XKR6: variants seen among roughly 807,000 people sequenced by gnomAD.
The protein encoded by XKR6 is XK-related protein 6.
XKR6 carries 22 observed loss-of-function variants against 56.7 expected under a neutral mutation model. That is an observed-to-expected ratio of 0.39 (90% confidence interval 0.28 to 0.55). The LOEUF is 0.55. Ranked by LOEUF, XKR6 falls within the 20% of genes least tolerant of loss-of-function variation. XKR6 has a pLI of 0.66. For missense variants in XKR6, 852 were observed against 889.0 expected, an observed-to-expected ratio of 0.96 and a Z score of 0.53; for synonymous variants, 524 against 387.8, an observed-to-expected ratio of 1.35 and a Z score of -4.13.
intron 1 of XKR6, chr8:11,111,744 G>C (rs572273741): frequency 6.6e-6 from 1 of 152,080 alleles, no homozygotes; most frequent in South Asian, 2.1e-4. Context: ...TCTGTTATTA[G>C]ATATACTTTA....
chr8:11,160,095 G>A (rs6999875), intron 1 of XKR6, among the ~76,000 whole-genome samples: 13,930 of 152,058 alleles, frequency 0.092, 721 homozygotes, highest in Middle Eastern at 0.12. Context: ...GTTAATCATC[G>A]TGAGGAAAAA....
rs946457145 is a variant in XKR6 at position 11,052,139 on chromosome 8, G to A, written c.765-127309C>T. 1.5e-4 allele frequency among the ~76,000 whole-genome samples: 23 copies of A among 152,032 alleles called. No individual in the cohort carries two copies. The South Asian group carries it at 4.4e-3, about 29-fold the overall frequency. The stretch of plus-strand genomic sequence containing the variant: ...CTCCAACCAAACTGGCTTCCCTGCT[G>A]CTCCTTCCACTCTCCAAGCAGGTTC... On this transcript the variant is annotated intron_variant, in intron 1 of 2. Coordinates refer to ENST00000416569, the MANE Select transcript of XKR6 (RefSeq NM_173683.4).
chr8:11,111,350 A>T (rs988532683), intron 1 of XKR6, among the ~76,000 whole-genome samples: 6 of 152,152 alleles, frequency 3.9e-5, no homozygotes, highest in African/African-American at 1.4e-4. Context: ...CTTCTGCCCT[A>T]CATAGTAACG....
intron 1 of XKR6, among the ~76,000 whole-genome samples, chr8:11,157,818 A>C (rs891668553): frequency 6.6e-6 from 1 of 152,068 alleles, no homozygotes; most frequent in Non-Finnish European, 1.5e-5. Context: ...CCTGGCCAAA[A>C]TGTTTATTTC....
At chr8:10,926,337 GGGT>G (rs1800883599) in intron 1 of XKR6, among the ~76,000 whole-genome samples, 1 of 152,198 alleles carries the variant, frequency 6.6e-6, no homozygotes, top group Non-Finnish European at 1.5e-5. Context: ...TAAGCCACAA[GGGT>G]GACCTCAAAC....
intron 1 of XKR6, among the ~76,000 whole-genome samples, chr8:11,069,370 C>T (rs1388884959): frequency 1.3e-5 from 2 of 152,144 alleles, no homozygotes; most frequent in Non-Finnish European, 2.9e-5. Flanking sequence ...GATGCCAGCT[C>T]TCCCGGTCTC....
At chr8:11,060,515 C>T (rs965230251) in intron 1 of XKR6, among the ~76,000 whole-genome samples, 1 of 152,232 alleles carries the variant, frequency 6.6e-6, no homozygotes, top group Non-Finnish European at 1.5e-5. Context: ...ACCTGATCCT[C>T]GGATGCCCAG....
intron 1 of XKR6, among the ~76,000 whole-genome samples, chr8:11,029,731 C>T (rs972077179): frequency 1.1e-4 from 16 of 152,104 alleles, no homozygotes; most frequent in African/African-American, 3.4e-4. Context: ...CCCCCATTTC[C>T]TCACGTCAGT....
intron 1 of XKR6, among the ~76,000 whole-genome samples, chr8:10,945,125 C>G (rs1801496318): frequency 6.6e-6 from 1 of 152,190 alleles, no homozygotes; most frequent in Non-Finnish European, 1.5e-5. Flanking sequence ...CTCATTTCCC[C>G]ACCAGCAAGT....
At chr8:11,188,252 G>A (rs965298330) in intron 1 of XKR6, among the ~76,000 whole-genome samples, 1 of 152,126 alleles carries the variant, frequency 6.6e-6, no homozygotes, top group East Asian at 1.9e-4. Context: ...ATAAAGGCCT[G>A]CTTGGGTACA....
chr8:10,899,869 A>T (rs1198215215), intron 2 of XKR6, among the ~76,000 whole-genome samples: 1 of 152,188 alleles, frequency 6.6e-6, no homozygotes, highest in Non-Finnish European at 1.5e-5. Flanking sequence ...AACTCTGACT[A>T]CTTGATATTT....
At chr8:11,193,749 C>G (rs929114415) in intron 1 of XKR6, among the ~76,000 whole-genome samples, 2 of 140,220 alleles carry the variant, frequency 1.4e-5, no homozygotes, top group South Asian at 5.3e-4. Context: ...CCCCCCCCCC[C>G]CCACAAAAGA....
In XKR6 at chr8:11,200,932, C is replaced by A. The variant is rs1408465331; in HGVS notation, c.408G>T (p.Leu136=). Residue 136 remains leucine (L), a synonymous_variant, in exon 1 of 3, where the codon CTG becomes CTT. Coordinates refer to ENST00000416569, the MANE Select transcript of XKR6 (RefSeq NM_173683.4). The surrounding 1 kb of genome is among the most constrained non-coding windows in gnomAD (Gnocchi z 6.4). ...TGCCCACGTCCCCGAAGAACACCAGCAGCGCCAGCACGATCCACAGGCAGT... is the reference window on the plus strand; with the variant it reads ...TGCCCACGTCCCCGAAGAACACCAGAAGCGCCAGCACGATCCACAGGCAGT... The part of the protein sequence containing the change: ...WLDCLWIVLA[L]LVFFGDVGTD... The A allele has an allele frequency of 4.4e-6, 7 of 1,606,018 alleles. No individual in the cohort carries two copies. The highest frequency in any genetic ancestry group is 4.0e-5 in the African/African-American group (3 of 74,506).
chr8:11,166,664 C>T (rs776563021), intron 1 of XKR6, among the ~76,000 whole-genome samples: 40 of 152,046 alleles, frequency 2.6e-4, no homozygotes, highest in Non-Finnish European at 5.3e-4. Context: ...CCTCTGCCTC[C>T]TAGGTTCAAG....
At chr8:11,134,226 C>A (rs534998898) in intron 1 of XKR6, among the ~76,000 whole-genome samples, 8 of 152,306 alleles carry the variant, frequency 5.3e-5, no homozygotes, top group Non-Finnish European at 1.2e-4. Context: ...CCACCTCTTT[C>A]ATAGCACTGA....
At chr8:10,942,307 C>A (rs1801408054) in intron 1 of XKR6, among the ~76,000 whole-genome samples, 1 of 152,228 alleles carries the variant, frequency 6.6e-6, no homozygotes, top group African/African-American at 2.4e-5. Context: ...CACACGCATG[C>A]AAACTACCAA....
intron 1 of XKR6, among the ~76,000 whole-genome samples, chr8:11,084,240 A>C (rs1202854944): frequency 6.6e-6 from 1 of 152,260 alleles, no homozygotes; most frequent in Non-Finnish European, 1.5e-5. Flanking sequence ...GATATCTACC[A>C]AACCAAGAGA....
At chr8:11,144,070 G>A (rs1182350357) in intron 1 of XKR6, among the ~76,000 whole-genome samples, 3 of 151,998 alleles carry the variant, frequency 2.0e-5, no homozygotes, top group East Asian at 1.9e-4. Flanking sequence ...CAATGACCTC[G>A]TTTAACCCTA....
Position 10,997,037 on chromosome 8 carries a change from AACACAC to A in XKR6, c.765-72213_765-72208del, listed in dbSNP as rs895525756. Among the ~76,000 whole-genome samples, 9 of 152,186 alleles carry A rather than the reference AACACAC, an allele frequency of 5.9e-5. 1 individual carries two copies. Among genetic ancestry groups the A allele is most frequent in the African/African-American group, 2.2e-4 (9 of 41,504 alleles). ...ACTCTGCCCCTCTCCCACATCAACAAACACACACACATGTACGCCACAACCTTTCTC... is the reference window on the plus strand; with the variant it reads ...ACTCTGCCCCTCTCCCACATCAACAAACACATGTACGCCACAACCTTTCTC... On this transcript the variant is annotated intron_variant, in intron 1 of 2. Coordinates refer to ENST00000416569, the MANE Select transcript of XKR6 (RefSeq NM_173683.4).
Sources: allele counts gnomAD v4.1 joint callset (sites outside exome capture counted in the v4.1 genomes callset), GRCh38; gene constraint gnomAD v4.1.1; non-coding constraint Gnocchi (gnomAD v3.1); transcripts MANE v1.5; gene names NCBI Gene and HGNC (gene_info 2026-07-23, HGNC 2026-07-21).